PCDH15: variants seen among roughly 807,000 people sequenced by gnomAD.
PCDH15 encodes protocadherin-15.
A neutral mutation model predicts 178.5 loss-of-function variants in PCDH15; 129 were observed. The ratio of observed to expected loss-of-function variants is 0.72; its 90% CI spans 0.63 to 0.84. The LOEUF is 0.84. Among genes scored for constraint, PCDH15 ranks in the 40% least tolerant of loss-of-function variants. The pLI is 0.00. For missense variants in PCDH15, 2,230 were observed against 2,099.9 expected (o/e 1.06, Z -1.21); for synonymous variants, 800 against 732.0 (o/e 1.09, Z -1.50).
chr10:54,104,488 G>C (rs545615907), intron 15 of PCDH15, among the ~76,000 whole-genome samples: 5 of 152,184 alleles, frequency 3.3e-5, no homozygotes, highest in African/African-American at 9.6e-5. Context: ...ACTCTCACTC[G>C]GGAAAATCTT....
chr10:54,063,371 G>A (rs1478418170), intron 18 of PCDH15, among the ~76,000 whole-genome samples: 2 of 151,858 alleles, frequency 1.3e-5, no homozygotes, highest in Non-Finnish European at 2.9e-5. Flanking sequence ...TCTCTTACCT[G>A]TGTTCTTCCT....
chr10:54,198,063 C>T (rs2049852653), intron 10 of PCDH15, among the ~76,000 whole-genome samples: 1 of 152,162 alleles, frequency 6.6e-6, no homozygotes, highest in Non-Finnish European at 1.5e-5. Flanking sequence ...TAAGATCCTG[C>T]TCAGCACTAA....
intron 1 of PCDH15, among the ~76,000 whole-genome samples, chr10:55,231,211 A>G (rs1841209482): frequency 6.6e-6 from 1 of 152,024 alleles, no homozygotes; most frequent in African/African-American, 2.4e-5. Flanking sequence ...GAATCTGGAT[A>G]ATTCATCCAG....
At chr10:54,161,322 C>G (rs1326702379) in intron 13 of PCDH15, among the ~76,000 whole-genome samples, 1 of 152,056 alleles carries the variant, frequency 6.6e-6, no homozygotes, top group Non-Finnish European at 1.5e-5. Context: ...CTATGGGACT[C>G]CATATTTTTT....
intron 2 of PCDH15, among the ~76,000 whole-genome samples, chr10:55,341,299 AAAT>A (rs1302630209): frequency 6.6e-6 from 1 of 152,056 alleles, no homozygotes; most frequent in Non-Finnish European, 1.5e-5. Context: ...TAAGCAATAG[AAAT>A]AATATCATTT....
intron 20 of PCDH15, among the ~76,000 whole-genome samples, chr10:54,002,573 C>T (rs969304151): frequency 6.6e-6 from 1 of 152,048 alleles, no homozygotes; most frequent in Middle Eastern, 3.2e-3. Flanking sequence ...GGAAATTAAA[C>T]AATACATTAC....
intron 1 of PCDH15, among the ~76,000 whole-genome samples, chr10:55,219,266 A>G (rs1840799874): frequency 6.6e-6 from 1 of 151,986 alleles, no homozygotes. Flanking sequence ...GCTTAGGGTC[A>G]TGATCACTAT....
chr10:53,950,945 G>A (rs1199721086), intron 23 of PCDH15, among the ~76,000 whole-genome samples: 1 of 152,126 alleles, frequency 6.6e-6, no homozygotes, highest in Non-Finnish European at 1.5e-5. Flanking sequence ...TCAACTACAG[G>A]AAGCACAATT....
At chr10:54,014,412 T>C (rs990996287) in intron 20 of PCDH15, among the ~76,000 whole-genome samples, 2 of 152,124 alleles carry the variant, frequency 1.3e-5, no homozygotes, top group African/African-American at 4.8e-5. Flanking sequence ...CCTCACTCTA[T>C]GAGGCCAAAA....
chr10:53,847,343 T>G (rs2078041294), intron 28 of PCDH15, among the ~76,000 whole-genome samples: 1 of 152,064 alleles, frequency 6.6e-6, no homozygotes, highest in Non-Finnish European at 1.5e-5. Context: ...CTTATCAATA[T>G]TTTTACACAA....
At chr10:54,939,784 A>C (rs1423517161) in intron 2 of PCDH15, among the ~76,000 whole-genome samples, 1 of 152,142 alleles carries the variant, frequency 6.6e-6, no homozygotes, top group Non-Finnish European at 1.5e-5. Flanking sequence ...ATTCAGAAAC[A>C]ATGCCTTTTT....
intron 1 of PCDH15, among the ~76,000 whole-genome samples, chr10:54,779,419 T>C (rs756168627): frequency 0.12 from 15,018 of 125,490 alleles, 1,189 homozygotes; most frequent in Non-Finnish European, 0.16. Flanking sequence ...TATATATATA[T>C]ATACACACAC....
intron 3 of PCDH15, among the ~76,000 whole-genome samples, chr10:54,395,039 A>T (rs1951027984): frequency 6.6e-6 from 1 of 152,018 alleles, no homozygotes; most frequent in Admixed American, 6.6e-5. Context: ...GCTCAAACAC[A>T]CATGCTGTAC....
intron 3 of PCDH15, among the ~76,000 whole-genome samples, chr10:54,455,806 C>T (rs1050553967): frequency 6.6e-6 from 1 of 152,092 alleles, no homozygotes; most frequent in Admixed American, 6.6e-5. Flanking sequence ...CTTCCGACAA[C>T]CCATGCAGCC....
At chr10:55,549,342 T>G (rs1841958641) in intron 2 of PCDH15, among the ~76,000 whole-genome samples, 2 of 152,190 alleles carry the variant, frequency 1.3e-5, no homozygotes, top group Admixed American at 6.6e-5. Flanking sequence ...ATGTTAAAAT[T>G]ATTATAGAAA....
intron 25 of PCDH15, among the ~76,000 whole-genome samples, chr10:53,914,159 G>T (rs1417542737): frequency 1.3e-5 from 2 of 152,192 alleles, no homozygotes; most frequent in Non-Finnish European, 2.9e-5. Flanking sequence ...CTTTTACACT[G>T]TTGGTGGGAG....
chr10:54,728,324 C>A (rs1942863729), intron 1 of PCDH15, among the ~76,000 whole-genome samples: 1 of 151,442 alleles, frequency 6.6e-6, no homozygotes, highest in Non-Finnish European at 1.5e-5. Context: ...ATAAACAGAA[C>A]TATAAACCAA....
intron 3 of PCDH15, among the ~76,000 whole-genome samples, chr10:54,462,798 G>A (rs2077278955): frequency 6.8e-6 from 1 of 147,906 alleles, no homozygotes; most frequent in Admixed American, 6.9e-5. Flanking sequence ...CCAAAGTGCT[G>A]GGATTACAGG....
At chr10:55,308,605 A>T (rs1219864796) in intron 1 of PCDH15, among the ~76,000 whole-genome samples, 1 of 152,202 alleles carries the variant, frequency 6.6e-6, no homozygotes, top group Non-Finnish European at 1.5e-5. Flanking sequence ...ATATAAAACA[A>T]ACATAAAACT....
Sources: gnomAD v4.1 joint callset for allele counts (sites outside exome capture counted in the v4.1 genomes callset) on GRCh38, gnomAD v4.1.1 for gene constraint, MANE v1.5 for transcripts, NCBI Gene and HGNC (gene_info 2026-07-23, HGNC 2026-07-21) for gene names.